AQR: variants seen among roughly 807,000 people sequenced by gnomAD.
AQR encodes aquarius intron-binding spliceosomal factor.
In AQR, 61 loss-of-function variants were observed where a neutral mutation model predicts 180.5. That is an observed-to-expected ratio of 0.34 (90% confidence interval 0.28 to 0.42). AQR has a LOEUF of 0.42. Among genes scored for constraint, AQR ranks in the 10% least tolerant of loss-of-function variants. The pLI, the probability that AQR is intolerant of heterozygous loss-of-function variation, is 1.00. For missense variants in AQR, 1,281 were observed against 1,798.3 expected (o/e 0.71, Z 5.20); for synonymous variants, 551 against 588.8 (o/e 0.94, Z 0.93).
At chr15:34,906,839 T>C in intron 17 of AQR, 127 bp from the exon 18 acceptor site, 1 of 799,676 alleles carries the variant, frequency 1.3e-6, no homozygotes, top group South Asian at 2.1e-5. Flanking sequence ...GACCAATGAT[T>C]ATTATCGCAT....
intron 19 of AQR, among the ~76,000 whole-genome samples, chr15:34,903,835 TAA>T (rs1270679053): frequency 6.0e-5 from 9 of 150,972 alleles, no homozygotes; most frequent in Middle Eastern, 3.4e-3. Context: ...AAAGTTATTC[TAA>T]AAGTAGAACT....
chr15:34,893,572 C>T (rs1280426396), intron 23 of AQR, 91 bp downstream of exon 23: 19 of 1,117,944 alleles, frequency 1.7e-5, no homozygotes, highest in Non-Finnish European at 2.5e-5. Flanking sequence ...CCCCCTCAAC[C>T]CCTAACCTGC....
chr15:34,888,516 G>A (rs144732784), intron 24 of AQR, among the ~76,000 whole-genome samples: 2,430 of 151,678 alleles, frequency 0.016, 34 homozygotes, highest in Admixed American at 0.025. Flanking sequence ...GCAACATGGT[G>A]AAACCCCGTC....
intron 17 of AQR, among the ~76,000 whole-genome samples, chr15:34,908,431 G>A (rs1345122422): frequency 4.7e-5 from 7 of 150,298 alleles, no homozygotes; most frequent in African/African-American, 1.7e-4. Context: ...GTGAGACTCC[G>A]TCTAAAAAAA....
chr15:34,857,047 T>A lies in AQR; in HGVS notation c.4203A>T (p.Glu1401Asp). 1.9e-6 allele frequency: 3 copies of A among 1,613,248 alleles called. No individual in the cohort carries two copies. Among genetic ancestry groups the A allele is most frequent in the Non-Finnish European group, 2.5e-6 (3 of 1,179,602 alleles). ...VEEGEEVQNQ[E>D]TELETEEEAM... ...CCTCTTCTTCTGTTTCCAATTCTGT[T>A]TCTTGATTTTGAACTTCCTCACCCT... is the stretch of plus-strand genomic sequence containing the variant. Residue 1401 changes from glutamate to aspartate, a missense_variant, in exon 35 of 35, where the codon GAA becomes GAT. Transcript: ENST00000156471.
At chr15:34,955,873 C>A (rs1894306152) in intron 3 of AQR, among the ~76,000 whole-genome samples, 1 of 148,452 alleles carries the variant, frequency 6.7e-6, no homozygotes, top group Non-Finnish European at 1.5e-5. Flanking sequence ...CATGCCACTG[C>A]ACTCCAGCCT....
chr15:34,856,930 A>G lies in AQR; in HGVS notation c.4320T>C (p.Ser1440=), dbSNP rs1246533506. Residue 1440 remains serine, a synonymous_variant, in exon 35 of 35, where the codon AGT becomes AGC. Coordinates refer to ENST00000156471, the MANE Select transcript of AQR (RefSeq NM_014691.3). ...CTGGAGTGGAAGTGGCTCCTGTCTC[A>G]CTGGGGGTGGTGTCAGTTTGAAAGG... ...TPAFQTDTTP[S]ETGATSTPEA... The G allele has an allele frequency of 6.2e-7, 1 of 1,613,932 alleles. No homozygotes were observed. Among genetic ancestry groups the G allele is most frequent in the Admixed American group, 1.7e-5 (1 of 59,990 alleles).
At chr15:34,956,880 A>G (rs1362310320) in intron 3 of AQR, among the ~76,000 whole-genome samples, 1 of 152,210 alleles carries the variant, frequency 6.6e-6, no homozygotes, top group Non-Finnish European at 1.5e-5. Flanking sequence ...TGCTTAGAGC[A>G]GAATGCAAGG....
At chr15:34,950,694 G>T (rs11629721) in intron 4 of AQR, among the ~76,000 whole-genome samples, 101,484 of 151,812 alleles carry the variant, frequency 0.67, 36,863 homozygotes, top group Non-Finnish European at 0.81. Flanking sequence ...GTGGGGGCAG[G>T]GGGGAAATAT....
rs770479567 is a variant in AQR at position 34,920,466 on chromosome 15, GTAAC to G, written c.1119-36_1119-33del. ...AATAGAGAACAATATTTTATTCATA[GTAAC>G]TTACTTCACTTCACTTTTGAAACAT... On this transcript the variant is annotated intron_variant, in intron 13 of 34. Transcript: ENST00000156471. 10 of 1,484,786 alleles carry G rather than the reference GTAAC, an allele frequency of 6.7e-6. No individual in the cohort carries two copies. In the Admixed American group the frequency reaches 1.3e-4, roughly 19 times the overall value. The allele number at this position is 1,484,786 out of a possible 1,614,324, so 92.0% of individuals were successfully genotyped here. A position where few individuals can be genotyped will look rare whatever the true frequency, so the allele number is the denominator to read the frequency against.
At chr15:34,899,545 T>A (rs1396569966) in intron 20 of AQR, among the ~76,000 whole-genome samples, 3 of 151,684 alleles carry the variant, frequency 2.0e-5, no homozygotes, top group African/African-American at 4.8e-5. Context: ...TTGCTAATTT[T>A]TTTTTTTTTA....
At chr15:34,877,164 ACTGTT>A (rs1326877838) in intron 27 of AQR, among the ~76,000 whole-genome samples, 1 of 152,230 alleles carries the variant, frequency 6.6e-6, no homozygotes, top group Non-Finnish European at 1.5e-5. Context: ...GATAATTACT[ACTGTT>A]CTATCTGTCC....
chr15:34,944,408 G>A lies in AQR; in HGVS notation c.351C>T (p.Asp117=). ...PAWEIFKKKP[D]HFPFFFKHIL... ...TGTGTTTAAAAAAGAATGGGAAGTG[G>A]TCTGGCTTCTTCTTAAAAATCTGAA... is the stretch of plus-strand genomic sequence containing the variant. The change falls in exon 6 of 35, where the codon GAC becomes GAT. Residue 117 remains aspartate, a synonymous_variant. Coordinates refer to ENST00000156471, the MANE Select transcript of AQR (RefSeq NM_014691.3). 2.5e-6 allele frequency: 4 copies of A among 1,598,322 alleles called. No individual in the cohort carries two copies. The highest frequency in any genetic ancestry group is 3.4e-6 in the Non-Finnish European group (4 of 1,175,302).
intron 14 of AQR, among the ~76,000 whole-genome samples, chr15:34,918,894 C>G (rs1893639443): frequency 6.6e-6 from 1 of 151,900 alleles, no homozygotes; most frequent in Non-Finnish European, 1.5e-5. Context: ...ATGTTCCTTT[C>G]CATGATGACC....
chr15:34,861,942 CT>C (rs144844221), intron 33 of AQR, among the ~76,000 whole-genome samples: 4,444 of 151,988 alleles, frequency 0.029, 197 homozygotes, highest in African/African-American at 0.1. Flanking sequence ...ATGGACCCCC[CT>C]AGGACAATTC....
intron 31 of AQR, chr15:34,870,411 C>G: frequency 6.0e-6 from 1 of 166,638 alleles, no homozygotes; most frequent in Non-Finnish European, 1.3e-5. Context: ...ACAACCTCCC[C>G]CTATACACAA....
chr15:34,964,386 C>T (rs1455311107), intron 1 of AQR, 96 bp from the exon 2 acceptor site: 6 of 1,005,112 alleles, frequency 6.0e-6, no homozygotes, highest in Non-Finnish European at 7.7e-6. Flanking sequence ...CTTAACAAGG[C>T]CCTACTCGGC....
chr15:34,898,666 C>T (rs1426523523), intron 20 of AQR, among the ~76,000 whole-genome samples: 1 of 152,080 alleles, frequency 6.6e-6, no homozygotes, highest in Non-Finnish European at 1.5e-5. Flanking sequence ...GGGTGAATCA[C>T]GAGGTCAGGA....
At chr15:34,878,738 T>TA (rs1243448166) in intron 27 of AQR, among the ~76,000 whole-genome samples, 1 of 152,022 alleles carries the variant, frequency 6.6e-6, no homozygotes, top group African/African-American at 2.4e-5. Context: ...TTCGTGTTTG[T>TA]AAAAAATTGG....
Sources: allele counts gnomAD v4.1 joint callset (sites outside exome capture counted in the v4.1 genomes callset), GRCh38; gene constraint gnomAD v4.1.1; transcripts MANE v1.5; gene names NCBI Gene and HGNC (gene_info 2026-07-23, HGNC 2026-07-21).